ZNF582: variants seen among roughly 807,000 people sequenced by gnomAD.
ZNF582 encodes zinc finger protein 582.
Under a neutral mutation model 12.3 loss-of-function variants are expected in ZNF582, and 14 were observed. The ratio of observed to expected loss-of-function variants is 1.14; its 90% CI spans 0.75 to 1.78. The LOEUF (loss-of-function observed/expected upper bound fraction) is 1.78. ZNF582 is among the 40% of genes most tolerant of loss of function. The pLI is 0.00. For missense variants in ZNF582, 567 were observed against 616.5 expected (o/e 0.92, Z 0.85); for synonymous variants, 210 against 207.2 (o/e 1.01, Z -0.11).
At chr19:56,385,824 A>G (rs2041961724) in intron 4 of ZNF582, among the ~76,000 whole-genome samples, 1 of 152,282 alleles carries the variant, frequency 6.6e-6, no homozygotes, top group Non-Finnish European at 1.5e-5. Flanking sequence ...TGCAGGAGGG[A>G]GCACAAGGGA....
intron 3 of ZNF582, 30 bp downstream of exon 3, chr19:56,390,345 C>T (rs2042004868): frequency 6.2e-7 from 1 of 1,613,886 alleles, no homozygotes; most frequent in Middle Eastern, 1.7e-4. Flanking sequence ...CCAAGGATAA[C>T]CTCCAAACTA....
chr19:56,384,807 A>G, exon 5 of ZNF582: 1 of 1,598,604 alleles, frequency 6.3e-7, no homozygotes, highest in Non-Finnish European at 8.5e-7. Context: ...GCCTTCCCAC[A>G]TTCCTTACAT....
chr19:56,393,143 A>AC, intron 1 of ZNF582, 77 bp downstream of exon 1: 1 of 1,152,880 alleles, frequency 8.7e-7, no homozygotes, highest in Non-Finnish European at 1.1e-6. Flanking sequence ...CTCAGATTAA[A>AC]AAAAAAAAAA....
intron 1 of ZNF582, 85 bp downstream of exon 1, chr19:56,393,135 C>T: frequency 9.6e-7 from 1 of 1,046,272 alleles, no homozygotes. Context: ...GATTTCCTCT[C>T]AGATTAAAAA....
At chr19:56,390,754 A>G (rs189657264) in intron 2 of ZNF582, among the ~76,000 whole-genome samples, 1 of 152,252 alleles carries the variant, frequency 6.6e-6, no homozygotes, top group African/African-American at 2.4e-5. Flanking sequence ...AGCTAAATGG[A>G]GTTTTCCTTA....
At chr19:56,387,611 C>G (rs7250395) in intron 4 of ZNF582, 73,624 of 151,308 alleles carry the variant, frequency 0.49, 18,227 homozygotes, top group Middle Eastern at 0.71. Flanking sequence ...TTCTTTTTTG[C>G]AGGGGAGATG....
intron 1 of ZNF582, 27 bp downstream of exon 1, chr19:56,393,193 G>A: frequency 7.9e-7 from 1 of 1,264,880 alleles, no homozygotes; most frequent in South Asian, 1.3e-5. Context: ...CGCAATTTCA[G>A]GGGGTCGGAG....
chr19:56,392,876 T>C (rs1346129669), intron 1 of ZNF582, among the ~76,000 whole-genome samples: 1 of 152,138 alleles, frequency 6.6e-6, no homozygotes, highest in Non-Finnish European at 1.5e-5. Context: ...GTAAGTGAAA[T>C]AATTATGAAT....
intron 2 of ZNF582, among the ~76,000 whole-genome samples, chr19:56,391,255 G>A (rs978936232): frequency 1.3e-5 from 2 of 152,164 alleles, no homozygotes; most frequent in Non-Finnish European, 1.5e-5. Context: ...AACTAATGGA[G>A]GATGTCCCAG....
chr19:56,384,540 T>G (rs1199222831), exon 5 of ZNF582: 4 of 1,613,996 alleles, frequency 2.5e-6, no homozygotes, highest in South Asian at 1.1e-5. Context: ...GAGATCCGAT[T>G]GAAGGCCTTG....
At position 56,391,767 on chromosome 19, in the gene ZNF582, C is replaced by A; in HGVS notation, c.-15G>T. On this transcript the variant is annotated 5_prime_UTR_variant, in exon 2 of 5. An upstream open reading frame in the 5' UTR gains an earlier in-frame stop. Transcript: ENST00000586929. ...ACAAGGGACATGACTTTTAGAATTT[C>A]AAGGGCTGATAGGTCCTCCTTCTGG... The A allele has an allele frequency of 6.2e-7, 1 of 1,614,152 alleles. No individual in the cohort carries two copies. The highest frequency in any genetic ancestry group is 8.5e-7 in the Non-Finnish European group (1 of 1,180,012).
chr19:56,393,100 ACTCT>A, intron 1 of ZNF582, 116 bp downstream of exon 1: 6 of 852,764 alleles, frequency 7.0e-6, no homozygotes, highest in Non-Finnish European at 9.8e-6. Flanking sequence ...GGGTCTTGTA[ACTCT>A]CTGAGAACCT....
At position 56,385,314 on chromosome 19, in the gene ZNF582, A is replaced by G. The variant is rs1226250238; in HGVS notation, c.233-130T>C. The G allele has an allele frequency of 4.4e-6, 4 of 911,760 alleles. No homozygotes were observed. In the South Asian group the frequency reaches 7.7e-5, roughly 18 times the overall value. 56.5% of individuals were successfully genotyped at this position (911,760 alleles called of 1,614,324 possible). Reference sequence around the variant, plus strand: ...ATGTAGCTAAGCAATTATAAAATGGACAAGTAGAACAGTGAAAGGAAAATA... The same window carrying G: ...ATGTAGCTAAGCAATTATAAAATGGGCAAGTAGAACAGTGAAAGGAAAATA... On this transcript the variant is annotated intron_variant, in intron 4 of 4. Transcript: ENST00000586929.
At chr19:56,384,387 A>G (rs1162890880) in exon 5 of ZNF582, 4 of 1,606,426 alleles carry the variant, frequency 2.5e-6, no homozygotes, top group East Asian at 4.5e-5. Context: ...GCCTTCCCAC[A>G]TTCCTTACAT....
chr19:56,389,955 C>G (rs1378009195), intron 4 of ZNF582, 46 bp downstream of exon 4: 1 of 1,522,754 alleles, frequency 6.6e-7, no homozygotes, highest in African/African-American at 1.4e-5. Context: ...TCCAGCGGAC[C>G]TGATACCTGC....
chr19:56,383,686 C>A, exon 5 of ZNF582: 1 of 657,010 alleles, frequency 1.5e-6, no homozygotes, highest in Non-Finnish European at 2.2e-6. Context: ...TTTCTCCCAA[C>A]CTTTCCCAGC....
chr19:56,392,420 C>A (rs757541167), intron 1 of ZNF582, among the ~76,000 whole-genome samples: 1 of 152,216 alleles, frequency 6.6e-6, no homozygotes. Flanking sequence ...ACACAGCACG[C>A]CCAGTGCTCC....
chr19:56,390,619 C>A, intron 2 of ZNF582, 118 bp from the exon 3 acceptor site: 1 of 1,069,946 alleles, frequency 9.3e-7, no homozygotes, highest in Non-Finnish European at 1.4e-6. Flanking sequence ...AAGGGTGGGA[C>A]TGAATGTGAA....
exon 5 of ZNF582, chr19:56,384,980 T>C: frequency 1.9e-6 from 3 of 1,614,174 alleles, no homozygotes; most frequent in South Asian, 1.1e-5. Context: ...CATTTCTTCA[T>C]GTCTGATGAT....
Sources: gnomAD v4.1 joint callset for allele counts (sites outside exome capture counted in the v4.1 genomes callset) on GRCh38, gnomAD v4.1.1 for gene constraint, MANE v1.5 for transcripts, NCBI Gene and HGNC (gene_info 2026-07-23, HGNC 2026-07-21) for gene names.